Variants in BCL2 observed in about 807,000 individuals in gnomAD.
BCL2 encodes apoptosis regulator Bcl-2.
BCL2 carries 1 observed loss-of-function variant against 14.2 expected under a neutral mutation model. The ratio of observed to expected loss-of-function variants is 0.07; its 90% confidence interval spans 0.02 to 0.33. The LOEUF (loss-of-function observed/expected upper bound fraction) is 0.33, where lower values mean the gene tolerates loss of function less well. BCL2 is among the 10% of genes least tolerant of loss of function. BCL2 has a pLI of 0.99. For missense variants in BCL2, 247 were observed against 305.9 expected (o/e 0.81, Z 1.44); for synonymous variants, 151 against 137.2 (o/e 1.10, Z -0.70).
chr18:63,191,811 T>G, intron 2 of BCL2, among the ~76,000 whole-genome samples: 1 of 152,262 alleles, frequency 6.6e-6, no homozygotes, highest in East Asian at 1.9e-4. Context: ...GACAGACTGT[T>G]GCATGTGATT....
intron 2 of BCL2, among the ~76,000 whole-genome samples, chr18:63,198,710 GAC>G (rs762935795): frequency 3.0e-3 from 214 of 72,084 alleles, no homozygotes; most frequent in East Asian, 0.022. Flanking sequence ...GACACACAGA[GAC>G]ACACACACAC....
At chr18:63,294,979 C>T (rs1222829505) in intron 2 of BCL2, among the ~76,000 whole-genome samples, 2 of 149,736 alleles carry the variant, frequency 1.3e-5, no homozygotes, top group Admixed American at 1.3e-4. Context: ...GGTGAAACCC[C>T]CATCTCTACT....
intron 2 of BCL2, among the ~76,000 whole-genome samples, chr18:63,260,165 C>A (rs1257890137): frequency 2.6e-5 from 4 of 151,972 alleles, no homozygotes; most frequent in Non-Finnish European, 4.4e-5. Context: ...GTTATGATAT[C>A]CATCAGAAAA....
chr18:63,162,115 G>A (rs1193984121), intron 2 of BCL2, among the ~76,000 whole-genome samples: 1 of 152,194 alleles, frequency 6.6e-6, no homozygotes, highest in Non-Finnish European at 1.5e-5. Flanking sequence ...AATCTGGAAT[G>A]TGTCCATTAG....
intron 2 of BCL2, among the ~76,000 whole-genome samples, chr18:63,151,777 T>C (rs1275095162): frequency 2.6e-5 from 4 of 152,190 alleles, no homozygotes; most frequent in Non-Finnish European, 5.9e-5. Flanking sequence ...TTAGCACTAT[T>C]ATAAATATAA....
chr18:63,259,670 C>A (rs775331360), intron 2 of BCL2, among the ~76,000 whole-genome samples: 1 of 152,246 alleles, frequency 6.6e-6, no homozygotes, highest in Non-Finnish European at 1.5e-5. Context: ...GGTTATCAGA[C>A]GTCTAGACTC....
intron 2 of BCL2, among the ~76,000 whole-genome samples, chr18:63,197,548 G>A (rs945433615): frequency 1.3e-5 from 2 of 152,142 alleles, no homozygotes; most frequent in Admixed American, 1.3e-4. Flanking sequence ...GACGGTGTCT[G>A]TGAGGCGCCA....
chr18:63,259,416 C>T (rs1419565574), intron 2 of BCL2, among the ~76,000 whole-genome samples: 1 of 152,256 alleles, frequency 6.6e-6, no homozygotes, highest in Non-Finnish European at 1.5e-5. Context: ...AGCTGGGGAG[C>T]ACCTTGCCGT....
chr18:63,198,892 G>GAC (rs1203891631), intron 2 of BCL2, among the ~76,000 whole-genome samples: 1 of 142,802 alleles, frequency 7.0e-6, no homozygotes, highest in Non-Finnish European at 1.5e-5. Context: ...CAGACACAGA[G>GAC]ACACACACAC....
intron 2 of BCL2, among the ~76,000 whole-genome samples, chr18:63,211,977 T>A (rs1028753078): frequency 6.6e-6 from 1 of 152,234 alleles, no homozygotes; most frequent in Non-Finnish European, 1.5e-5. Context: ...ATGGTGTTCA[T>A]GAATGCAATG....
intron 2 of BCL2, among the ~76,000 whole-genome samples, chr18:63,156,300 T>G (rs993198391): frequency 6.6e-6 from 1 of 152,184 alleles, no homozygotes; most frequent in Non-Finnish European, 1.5e-5. Flanking sequence ...AAACTATTAG[T>G]AGGCTTTAGA....
chr18:63,302,332 A>AAG (rs963681512), intron 2 of BCL2: 81 of 983,464 alleles, frequency 8.2e-5, no homozygotes, highest in Non-Finnish European at 9.8e-5. Flanking sequence ...GAAAGAGAGA[A>AAG]AGAGAGAGAG....
chr18:63,242,395 A>T (rs1911031921), intron 2 of BCL2, among the ~76,000 whole-genome samples: 2 of 152,236 alleles, frequency 1.3e-5, no homozygotes, highest in Non-Finnish European at 2.9e-5. Flanking sequence ...GGAACACATG[A>T]TATAGAGCCC....
At chr18:63,283,793 T>C (rs145495878) in intron 2 of BCL2, among the ~76,000 whole-genome samples, 9 of 152,306 alleles carry the variant, frequency 5.9e-5, no homozygotes, top group African/African-American at 2.2e-4. Flanking sequence ...GCCTCTTTGG[T>C]AATGGATGAA....
At chr18:63,179,771 GGAT>G (rs895018864) in intron 2 of BCL2, among the ~76,000 whole-genome samples, 24 of 152,204 alleles carry the variant, frequency 1.6e-4, no homozygotes, top group African/African-American at 5.3e-4. Context: ...CCTACGGTGG[GGAT>G]GATAATAGTA....
chr18:63,132,588 G>A (rs888725208), intron 2 of BCL2, among the ~76,000 whole-genome samples: 2 of 152,206 alleles, frequency 1.3e-5, no homozygotes, highest in Non-Finnish European at 2.9e-5. Flanking sequence ...GGGCTAGAGG[G>A]CAAGTCATTT....
intron 2 of BCL2, among the ~76,000 whole-genome samples, chr18:63,211,431 T>G (rs1910000057): frequency 6.6e-6 from 1 of 152,174 alleles, no homozygotes; most frequent in African/African-American, 2.4e-5. Context: ...TTCTCTCGAC[T>G]CAAATCTCCT....
intron 2 of BCL2, among the ~76,000 whole-genome samples, chr18:63,169,336 C>CCTTCCTTTCTTTCTTTCTTT (rs1555697353): frequency 0.013 from 802 of 62,086 alleles, 51 homozygotes; most frequent in Non-Finnish European, 0.017. Context: ...TCCTTTCCTT[C>CCTTCCTTTCTTTCTTTCTTT]CTTTCTTTCT....
rs532010834 is a variant in BCL2, at chr18:63,212,281, G to C, written c.586-83522C>G. On this transcript the variant is annotated intron_variant, in intron 2 of 2. Transcript: ENST00000333681. ...AGGCAGAGGTTGCAGTGAGCCAAGA[G>C]CATGCCACTGCACTCCAGCCTGGGC... is the stretch of plus-strand genomic sequence containing the variant. 4.8e-4 allele frequency among the ~76,000 whole-genome samples: 73 copies of C among 151,598 alleles called. 1 individual carries two copies. The highest frequency in any genetic ancestry group is 1.6e-3 in the African/African-American group (66 of 41,428).
Sources: gnomAD v4.1 joint callset for allele counts (sites outside exome capture counted in the v4.1 genomes callset) on GRCh38, gnomAD v4.1.1 for gene constraint, MANE v1.5 for transcripts, NCBI Gene and HGNC (gene_info 2026-07-23, HGNC 2026-07-21) for gene names.